STIL: variants seen among roughly 807,000 people sequenced by gnomAD.
STIL encodes SCL-interrupting locus protein.
Under a neutral mutation model 110.1 loss-of-function variants are expected in STIL, and 55 were observed. The ratio of observed to expected loss-of-function variants is 0.50; its 90% CI spans 0.40 to 0.63. The LOEUF (loss-of-function observed/expected upper bound fraction) is 0.63. STIL is among the 20% of genes least tolerant of loss of function. The pLI is 0.00. For missense variants in STIL, 1,358 were observed against 1,530.0 expected (o/e 0.89, Z 1.87); for synonymous variants, 481 against 530.0 (o/e 0.91, Z 1.27).
intron 12 of STIL, among the ~76,000 whole-genome samples, chr1:47,278,176 G>A (rs1439965170): frequency 1.3e-5 from 2 of 152,178 alleles, no homozygotes; most frequent in East Asian, 3.8e-4. Context: ...GCAAATATAG[G>A]AATGTTCACT....
chr1:47,304,775 A>G, intron 3 of STIL, 114 bp downstream of exon 3: 1 of 868,512 alleles, frequency 1.2e-6, no homozygotes, highest in Non-Finnish European at 1.8e-6. Flanking sequence ...GGAGATTCTA[A>G]AAGAAAAGTA....
chr1:47,281,755 G>A (rs1645163805), intron 11 of STIL, among the ~76,000 whole-genome samples: 1 of 151,956 alleles, frequency 6.6e-6, no homozygotes, highest in African/African-American at 2.4e-5. Flanking sequence ...TGATGAATTT[G>A]GTTATAATTT....
At chr1:47,294,114 A>G (rs1170246475) in intron 7 of STIL, among the ~76,000 whole-genome samples, 12 of 152,204 alleles carry the variant, frequency 7.9e-5, no homozygotes, top group Admixed American at 7.9e-4. Context: ...TTCACTTTGC[A>G]TGTGCCATTC....
Position 47,289,529 on chromosome 1 carries a change from T to G in STIL, c.929A>C (p.Glu310Ala). The change falls in exon 9 of 17, where the codon GAA (glutamate) becomes GCA (alanine). Residue 310 changes from glutamate (E) to alanine (A), a missense_variant. Coordinates refer to ENST00000371877, the MANE Select transcript of STIL (RefSeq NM_001048166.1). ...IIVLYSMTHK[E>A]PEFYECFPCD... ...AGGGAAGCATTCATAAAACTCAGGT[T>G]CCTTATGTGTCATAGAATAGAGAAC... 1 of 1,613,846 alleles carries G rather than the reference T, an allele frequency of 6.2e-7. No individual in the cohort carries two copies. The highest frequency in any genetic ancestry group is 8.5e-7 in the Non-Finnish European group (1 of 1,179,828).
At chr1:47,276,110 C>T (rs1644983964) in intron 12 of STIL, among the ~76,000 whole-genome samples, 1 of 151,532 alleles carries the variant, frequency 6.6e-6, no homozygotes, top group Non-Finnish European at 1.5e-5. Context: ...TCAAGCGATT[C>T]TCATGCCTCA....
intron 12 of STIL, among the ~76,000 whole-genome samples, chr1:47,273,056 G>T (rs1345230545): frequency 6.6e-6 from 1 of 152,084 alleles, no homozygotes; most frequent in Non-Finnish European, 1.5e-5. Context: ...ATCCTCTGAA[G>T]ACTATATTAC....
At position 47,287,571 on chromosome 1, in the gene STIL, G is replaced by A. The variant is rs1645340914; in HGVS notation, c.1113C>T (p.Ser371=). 5 of 1,610,490 alleles carry A rather than the reference G, an allele frequency of 3.1e-6. No homozygotes were observed. The South Asian group carries it at 4.4e-5, about 14-fold the overall frequency. Residue 371 remains serine (S), a synonymous_variant, in exon 10 of 17, where the codon TCC becomes TCT. Transcript: ENST00000371877. ...NAETEFFSKA[S]KNFSIKRSSQ... The stretch of plus-strand genomic sequence containing the variant: ...TTTACCTCTTAATTGAAAAATTCTT[G>A]GAAGCCTTACTGAAAAACTCTGTTT...
At chr1:47,287,502 A>C (rs954213908) in intron 10 of STIL, 49 bp downstream of exon 10, 1 of 1,220,778 alleles carries the variant, frequency 8.2e-7, no homozygotes, top group Admixed American at 2.2e-5. Flanking sequence ...AAAACTAATA[A>C]ATATAATTTT....
At chr1:47,265,783 C>CAAAAAAAAA (rs1179019596) in intron 14 of STIL, among the ~76,000 whole-genome samples, 7 of 65,612 alleles carry the variant, frequency 1.1e-4, no homozygotes, top group East Asian at 1.1e-3. Context: ...AAGACTGTCT[C>CAAAAAAAAA]AAAAAAAAAA....
chr1:47,261,786 C>T (rs914744889), intron 15 of STIL, among the ~76,000 whole-genome samples: 16 of 150,978 alleles, frequency 1.1e-4, no homozygotes, highest in African/African-American at 3.9e-4. Context: ...GTGGCAGGTG[C>T]CTGTAGTCCC....
At chr1:47,290,746 G>A (rs964113896) in intron 8 of STIL, among the ~76,000 whole-genome samples, 2 of 151,564 alleles carry the variant, frequency 1.3e-5, no homozygotes, top group Non-Finnish European at 2.9e-5. Context: ...AGAGAAAAAT[G>A]GCTAAAGACA....
At chr1:47,259,971 A>G in intron 16 of STIL, among the ~76,000 whole-genome samples, 1 of 151,638 alleles carries the variant, frequency 6.6e-6, no homozygotes, top group East Asian at 1.9e-4. Flanking sequence ...ACCAAGCAAA[A>G]CTCCTTTCTC....
chr1:47,268,221 C>T (rs929320346), intron 14 of STIL, among the ~76,000 whole-genome samples: 6 of 151,410 alleles, frequency 4.0e-5, no homozygotes, highest in Non-Finnish European at 7.4e-5. Flanking sequence ...CTGAGGCAGG[C>T]GGATCACCTC....
In STIL at chr1:47,304,956, A is replaced by G; in HGVS notation, c.85T>C (p.Ser29Pro). 11 of 1,614,074 alleles carry G rather than the reference A, an allele frequency of 6.8e-6. No homozygotes were observed. Among genetic ancestry groups the G allele is most frequent in the Non-Finnish European group, 9.3e-6 (11 of 1,179,988 alleles). Residue 29 changes from serine (S) to proline (P), a missense_variant, in exon 3 of 17, where the codon TCA becomes CCA. Physicochemically the swap from Ser to Pro is moderately conservative, Grantham distance 74 (BLOSUM62 -1). Coordinates refer to ENST00000371877, the MANE Select transcript of STIL (RefSeq NM_001048166.1). ...GTTGGGTTCCAAAGTGCACATTTTG[A>G]TGGAGGAAAGTGGAAAGGTACCATC... ...SRMVPFHFPPSKCALWNPTPT... is the reference protein window; with the variant it reads ...SRMVPFHFPPPKCALWNPTPT...
At chr1:47,260,171 A>T (rs1191137100) in intron 16 of STIL, 118 bp downstream of exon 16, 2 of 1,067,290 alleles carry the variant, frequency 1.9e-6, no homozygotes, top group African/African-American at 1.6e-5. Flanking sequence ...AACTTTTCTG[A>T]TGAGATTGCC....
intron 9 of STIL, among the ~76,000 whole-genome samples, chr1:47,288,913 A>AAT (rs1557751316): frequency 8.5e-5 from 12 of 141,570 alleles, no homozygotes; most frequent in East Asian, 2.1e-4. Context: ...AAAAAAAAAA[A>AAT]TAGCCAGGTG....
chr1:47,301,519 T>G (rs1416065409), intron 5 of STIL, 42 bp downstream of exon 5: 1 of 1,544,088 alleles, frequency 6.5e-7, no homozygotes, highest in South Asian at 1.1e-5. Flanking sequence ...CATAGTTTGA[T>G]TCTTGTGTTG....
intron 12 of STIL, among the ~76,000 whole-genome samples, chr1:47,275,533 G>T (rs1427115550): frequency 6.6e-6 from 1 of 152,016 alleles, no homozygotes; most frequent in Non-Finnish European, 1.5e-5. Context: ...GTGTGAACCC[G>T]GGAGGCAGAG....
At chr1:47,257,650 T>C (rs1240552478) in intron 16 of STIL, among the ~76,000 whole-genome samples, 1 of 152,258 alleles carries the variant, frequency 6.6e-6, no homozygotes, top group Admixed American at 6.5e-5. Context: ...CAACACAGTA[T>C]GAAATACTCC....
Sources: gnomAD v4.1 joint callset for allele counts (sites outside exome capture counted in the v4.1 genomes callset) on GRCh38, gnomAD v4.1.1 for gene constraint, MANE v1.5 for transcripts, NCBI Gene and HGNC (gene_info 2026-07-23, HGNC 2026-07-21) for gene names.